The following TMEM135 variants were observed in gnomAD, a reference collection of about 807,000 sequenced individuals.
The protein encoded by TMEM135 is transmembrane protein 135.
A neutral mutation model predicts 60.3 loss-of-function variants in TMEM135; 30 were observed. The ratio of observed to expected loss-of-function variants is 0.50; its 90% confidence interval spans 0.37 to 0.68. TMEM135 has a LOEUF of 0.68. TMEM135 is among the 30% of genes least tolerant of loss of function. The pLI, the probability that TMEM135 is intolerant of heterozygous loss-of-function variation, is 0.00. For missense variants in TMEM135, 468 were observed against 548.8 expected (o/e 0.85, Z 1.47); for synonymous variants, 190 against 186.7 (o/e 1.02, Z -0.14).
intron 4 of TMEM135, among the ~76,000 whole-genome samples, chr11:87,153,469 G>A (rs939437692): frequency 3.3e-5 from 5 of 152,070 alleles, no homozygotes; most frequent in African/African-American, 7.2e-5. Flanking sequence ...TGTCATTATC[G>A]TTGTAATATC....
At chr11:87,050,800 C>T in intron 1 of TMEM135, among the ~76,000 whole-genome samples, 1 of 6,004 alleles carries the variant, frequency 1.7e-4, no homozygotes, top group Non-Finnish European at 2.7e-4. Context: ...AGGGAATCCT[C>T]CCTAACTCAT....
At chr11:87,163,170 A>T (rs1938936844) in intron 5 of TMEM135, among the ~76,000 whole-genome samples, 1 of 140,986 alleles carries the variant, frequency 7.1e-6, no homozygotes. Context: ...TATATCTCCC[A>T]ATGCTATCCC....
intron 5 of TMEM135, among the ~76,000 whole-genome samples, chr11:87,186,295 A>G (rs1049610628): frequency 4.6e-5 from 7 of 152,312 alleles, no homozygotes; most frequent in Middle Eastern, 3.4e-3. Flanking sequence ...CTATAACCCT[A>G]GTAGTAGTCT....
In TMEM135 at chr11:87,138,492, C is replaced by A. The variant is rs1938170096; in HGVS notation, c.397-18849C>A. Among the ~76,000 whole-genome samples the A allele has an allele frequency of 2.0e-5, 3 of 148,830 alleles. No homozygotes were observed. The South Asian group carries it at 6.4e-4, about 32-fold the overall frequency. Reference sequence around the variant, plus strand: ...AAATATTTGTTCATACTTTGCTAAACCACATACCCCAATATAATCAGTAAA... The same window carrying A: ...AAATATTTGTTCATACTTTGCTAAAACACATACCCCAATATAATCAGTAAA... On this transcript the variant is annotated intron_variant, in intron 4 of 14. Transcript: ENST00000305494.
At chr11:87,155,832 A>T (rs1186066621) in intron 4 of TMEM135, among the ~76,000 whole-genome samples, 3 of 152,192 alleles carry the variant, frequency 2.0e-5, no homozygotes, top group African/African-American at 7.2e-5. Context: ...GATCTGTTTA[A>T]GTATTCCATA....
intron 5 of TMEM135, among the ~76,000 whole-genome samples, chr11:87,213,252 A>G (rs1423055071): frequency 6.6e-6 from 1 of 152,174 alleles, no homozygotes; most frequent in Non-Finnish European, 1.5e-5. Context: ...TTTGCCTGCT[A>G]AGAGCCAAAC....
Position 87,258,347 on chromosome 11 carries a change from T to C in TMEM135, c.509+21663T>C, listed in dbSNP as rs967182344. Among the ~76,000 whole-genome samples the C allele has an allele frequency of 2.6e-5, 4 of 152,128 alleles. No homozygotes were observed. The South Asian group carries it at 6.2e-4, about 24-fold the overall frequency. ...TCTTCCCCAGTCCCCATCCTGTGGCTAAAGCTGCAGCCAGCCTCTTTCCTC... is the reference window on the plus strand; with the variant it reads ...TCTTCCCCAGTCCCCATCCTGTGGCCAAAGCTGCAGCCAGCCTCTTTCCTC... On this transcript the variant is annotated intron_variant, in intron 6 of 14. Transcript: ENST00000305494.
intron 4 of TMEM135, 67 bp downstream of exon 4, chr11:87,091,462 T>TA (rs1565436799): frequency 2.0e-6 from 3 of 1,492,456 alleles, no homozygotes; most frequent in African/African-American, 2.8e-5. Flanking sequence ...CAAGTTTTCT[T>TA]AAAAAAAGTA....
chr11:87,285,952 A>C (rs1214098500), intron 6 of TMEM135, among the ~76,000 whole-genome samples: 1 of 152,104 alleles, frequency 6.6e-6, no homozygotes, highest in African/African-American at 2.4e-5. Flanking sequence ...TGATTGGTGC[A>C]TTTACAATCC....
At chr11:87,063,963 G>C (rs933208082) in intron 1 of TMEM135, among the ~76,000 whole-genome samples, 2 of 152,146 alleles carry the variant, frequency 1.3e-5, no homozygotes, top group African/African-American at 4.8e-5. Context: ...AAATACCCGG[G>C]AATGGAATTG....
chr11:87,237,945 C>G (rs1055339241), intron 6 of TMEM135, among the ~76,000 whole-genome samples: 1 of 151,946 alleles, frequency 6.6e-6, no homozygotes, highest in Non-Finnish European at 1.5e-5. Context: ...TGGCTTAATT[C>G]ACTTAACATA....
chr11:87,082,613 C>T (rs938206824), intron 3 of TMEM135, among the ~76,000 whole-genome samples: 2 of 152,078 alleles, frequency 1.3e-5, no homozygotes, highest in African/African-American at 4.8e-5. Context: ...AAGTTTTCCT[C>T]TAATAGGTGG....
intron 6 of TMEM135, among the ~76,000 whole-genome samples, chr11:87,245,127 G>T (rs1429684385): frequency 7.1e-6 from 1 of 140,756 alleles, no homozygotes; most frequent in East Asian, 2.0e-4. Context: ...TCATTCAGGA[G>T]CAGGTTGTTC....
intron 5 of TMEM135, among the ~76,000 whole-genome samples, chr11:87,178,117 T>C (rs956836019): frequency 3.9e-5 from 6 of 152,154 alleles, no homozygotes; most frequent in African/African-American, 1.4e-4. Flanking sequence ...GGCCATGTGA[T>C]TGAACTGTCT....
chr11:87,259,122 A>C (rs899878394), intron 6 of TMEM135: 2 of 783,124 alleles, frequency 2.6e-6, no homozygotes, highest in East Asian at 5.5e-5. Flanking sequence ...AAACATCTCC[A>C]TCAGGCCCCA....
In TMEM135 at chr11:87,327,401, T is replaced by A. The variant is rs768656757; in HGVS notation, c.*6068T>A. The A allele has an allele frequency of 2.2e-6, 1 of 453,970 alleles. No homozygotes were observed. The highest frequency in any genetic ancestry group is 4.4e-6 in the Non-Finnish European group (1 of 226,802). 28.1% of individuals were successfully genotyped at this position (453,970 alleles called of 1,614,324 possible). Reference sequence around the variant, plus strand: ...GAAAAATAGAAAGAACCTGCTTCTGTGAGCCACTGAATGGTGCCATTAACC... The same window carrying A: ...GAAAAATAGAAAGAACCTGCTTCTGAGAGCCACTGAATGGTGCCATTAACC... On this transcript the variant is annotated 3_prime_UTR_variant, in exon 15 of 15. Transcript: ENST00000305494.
intron 6 of TMEM135, among the ~76,000 whole-genome samples, chr11:87,238,275 AT>A (rs1941050877): frequency 6.6e-6 from 1 of 152,040 alleles, no homozygotes; most frequent in Non-Finnish European, 1.5e-5. Context: ...CCTAATAAAC[AT>A]TTTATAAAGC....
At chr11:87,277,092 T>C (rs1941982241) in intron 6 of TMEM135, 1 of 154,376 alleles carries the variant, frequency 6.5e-6, no homozygotes, top group Non-Finnish European at 1.4e-5. Flanking sequence ...ATGTATTTTT[T>C]ACCCAACATT....
Position 87,321,395 on chromosome 11 carries a change from C to A in TMEM135, c.*62C>A, listed in dbSNP as rs770098986. ...ATCTTGAAGAGTTAATTATGTTGAA[C>A]ACAAAGGAGGGGGCCCAAGCTCGAA... On this transcript the variant is annotated 3_prime_UTR_variant, in exon 15 of 15. Transcript: ENST00000305494. 58 of 1,581,518 alleles carry A rather than the reference C, an allele frequency of 3.7e-5. No individual in the cohort carries two copies. In the African/African-American group the frequency reaches 6.2e-4, roughly 17 times the overall value.
Sources: allele counts gnomAD v4.1 joint callset (sites outside exome capture counted in the v4.1 genomes callset), GRCh38; gene constraint gnomAD v4.1.1; transcripts MANE v1.5; gene names NCBI Gene and HGNC (gene_info 2026-07-23, HGNC 2026-07-21).